The following PEMT variants were observed in gnomAD, a reference collection of about 807,000 sequenced individuals.
The protein encoded by PEMT is phosphatidylethanolamine N-methyltransferase.
Under a neutral mutation model 27.4 loss-of-function variants are expected in PEMT, and 23 were observed. The observed-to-expected ratio is 0.84, with a 90% CI of 0.60 to 1.19. PEMT has a LOEUF of 1.19. PEMT is among the 50% of genes most tolerant of loss of function. The probability of loss-of-function intolerance (pLI) is 0.00; values close to 1 mark genes in which losing one functional copy is unlikely to be tolerated. For missense variants in PEMT, 307 were observed against 310.1 expected (o/e 0.99, Z 0.07); for synonymous variants, 137 against 139.1 (o/e 0.98, Z 0.11).
intron 6 of PEMT, 96 bp downstream of exon 6, chr17:17,506,131 T>G (rs149699061): frequency 8.8e-7 from 1 of 1,137,976 alleles, no homozygotes; most frequent in African/African-American, 1.5e-5. Context: ...GACGGCAGCC[T>G]GTCCTGAGCC....
intron 2 of PEMT, among the ~76,000 whole-genome samples, chr17:17,525,911 T>C (rs1384116936): frequency 6.6e-6 from 1 of 152,162 alleles, no homozygotes; most frequent in Non-Finnish European, 1.5e-5. Flanking sequence ...GGGGAACCGC[T>C]TGAACCCGGG....
chr17:17,580,099 G>T, intron 1 of PEMT, among the ~76,000 whole-genome samples: 1 of 152,198 alleles, frequency 6.6e-6, no homozygotes, highest in South Asian at 2.1e-4. Context: ...GGAAGGGAGG[G>T]GAGGGAAGGC....
rs114310162 is a variant in PEMT at position 17,578,262 on chromosome 17, T to A, written c.97-1235A>T. On this transcript the variant is annotated intron_variant, in intron 1 of 6. Transcript: ENST00000255389. The stretch of plus-strand genomic sequence containing the variant: ...ATAGCTCACTGCAACCTTGAACTCC[T>A]GGGCTCACTTTGGGAGGCCAAGGTG... Among the ~76,000 whole-genome samples the A allele has an allele frequency of 1.9e-3, 287 of 151,890 alleles. 1 individual carries two copies. Among genetic ancestry groups the A allele is most frequent in the African/African-American group, 6.5e-3 (270 of 41,476 alleles).
At chr17:17,574,813 T>G (rs911481730) in intron 2 of PEMT, among the ~76,000 whole-genome samples, 1 of 152,148 alleles carries the variant, frequency 6.6e-6, no homozygotes, top group African/African-American at 2.4e-5. Context: ...GAGACCCATA[T>G]GTACCTCAAT....
intron 2 of PEMT, among the ~76,000 whole-genome samples, chr17:17,565,040 G>A (rs1324309285): frequency 1.3e-5 from 2 of 152,196 alleles, no homozygotes; most frequent in Non-Finnish European, 2.9e-5. Context: ...AGTGCCTTGC[G>A]AGACAACAGC....
chr17:17,531,758 C>G (rs1179405407), intron 2 of PEMT, among the ~76,000 whole-genome samples: 1 of 151,272 alleles, frequency 6.6e-6, no homozygotes, highest in Non-Finnish European at 1.5e-5. Flanking sequence ...TATATAAAGC[C>G]TTCTAAAACT....
At chr17:17,554,844 G>A (rs1909936011) in intron 2 of PEMT, among the ~76,000 whole-genome samples, 1 of 152,046 alleles carries the variant, frequency 6.6e-6, no homozygotes, top group Admixed American at 6.6e-5. Flanking sequence ...TCAAACTCCT[G>A]ACTTCAGGTG....
chr17:17,513,936 A>T lies in PEMT; in HGVS notation c.321-1282T>A, dbSNP rs1906606814. 6.6e-6 allele frequency among the ~76,000 whole-genome samples: 1 copy of T among 152,174 alleles called. No individual in the cohort carries two copies. The highest frequency in any genetic ancestry group is 2.4e-5 in the African/African-American group (1 of 41,442). The stretch of plus-strand genomic sequence containing the variant: ...ACGCAGGGCAGCGCCTTTCACACCC[A>T]GTCTGTAGACGGCATCTCCCAGCAG... On this transcript the variant is annotated intron_variant, in intron 3 of 6. Transcript: ENST00000255389. The surrounding 1 kb of genome is among the most constrained non-coding windows in gnomAD (Gnocchi z 4.1).
chr17:17,575,102 T>C (rs1438666540), intron 2 of PEMT, among the ~76,000 whole-genome samples: 2 of 152,190 alleles, frequency 1.3e-5, no homozygotes, highest in East Asian at 3.8e-4. Flanking sequence ...AAAATCAAGG[T>C]GCCGACTGGG....
At chr17:17,584,710 G>T (rs986246487) in intron 1 of PEMT, among the ~76,000 whole-genome samples, 1 of 152,224 alleles carries the variant, frequency 6.6e-6, no homozygotes, top group Non-Finnish European at 1.5e-5. Flanking sequence ...GAAGACAATA[G>T]TAACAATAAG....
chr17:17,574,315 CTT>C (rs551467639), intron 2 of PEMT, among the ~76,000 whole-genome samples: 6,721 of 110,594 alleles, frequency 0.061, 272 homozygotes, highest in East Asian at 0.14. Flanking sequence ...CTTACTGCAT[CTT>C]TTTTTTTTTT....
intron 2 of PEMT, among the ~76,000 whole-genome samples, chr17:17,562,546 C>A (rs1213496973): frequency 6.6e-6 from 1 of 152,244 alleles, no homozygotes; most frequent in Non-Finnish European, 1.5e-5. Context: ...CACGGTGGCT[C>A]ACCTGTAATC....
intron 2 of PEMT, among the ~76,000 whole-genome samples, chr17:17,533,799 C>T (rs549350713): frequency 2.6e-5 from 4 of 151,568 alleles, no homozygotes; most frequent in East Asian, 1.9e-4. Context: ...GGTGCGATCT[C>T]GGCTCACTGC....
intron 2 of PEMT, among the ~76,000 whole-genome samples, chr17:17,542,114 G>A (rs572371453): frequency 1.3e-5 from 2 of 152,286 alleles, no homozygotes; most frequent in South Asian, 2.1e-4. Context: ...CCAAGTAGCT[G>A]GGATTACAGG....
At chr17:17,559,740 G>T (rs1187457025) in intron 2 of PEMT, among the ~76,000 whole-genome samples, 1 of 152,212 alleles carries the variant, frequency 6.6e-6, no homozygotes, top group Non-Finnish European at 1.5e-5. Context: ...GAACAGGATG[G>T]CAACAGAAGT....
chr17:17,521,033 G>C (rs1907223910), intron 3 of PEMT, among the ~76,000 whole-genome samples: 1 of 152,250 alleles, frequency 6.6e-6, no homozygotes, highest in South Asian at 2.1e-4. Flanking sequence ...GCCCCTTCCT[G>C]TGTGCACCCA....
intron 2 of PEMT, among the ~76,000 whole-genome samples, chr17:17,557,361 A>T (rs927510701): frequency 1.3e-5 from 2 of 152,200 alleles, no homozygotes; most frequent in African/African-American, 4.8e-5. Context: ...TATGAAAGGG[A>T]CGTGACATGC....
chr17:17,517,900 A>G, intron 3 of PEMT: 1 of 848,974 alleles, frequency 1.2e-6, no homozygotes. Flanking sequence ...CTCCGCCTGC[A>G]CCCCACCCAC....
intron 2 of PEMT, among the ~76,000 whole-genome samples, chr17:17,548,471 C>T (rs1037333267): frequency 8.5e-5 from 13 of 152,164 alleles, no homozygotes; most frequent in Non-Finnish European, 1.9e-4. Flanking sequence ...TTGAGGGACC[C>T]AGAAGCTCCT....
Sources: allele counts gnomAD v4.1 joint callset (sites outside exome capture counted in the v4.1 genomes callset), GRCh38; gene constraint gnomAD v4.1.1; non-coding constraint Gnocchi (gnomAD v3.1); transcripts MANE v1.5; gene names NCBI Gene and HGNC (gene_info 2026-07-23, HGNC 2026-07-21).